PIWIL2: variants seen among roughly 807,000 people sequenced by gnomAD.
PIWIL2 encodes the protein piwi-like protein 2.
In PIWIL2, 81 loss-of-function variants were observed where a neutral mutation model predicts 116.5. The observed-to-expected ratio is 0.70, with a 90% CI of 0.58 to 0.84. PIWIL2 has a LOEUF of 0.84. Ranked by LOEUF, PIWIL2 falls within the 40% of genes least tolerant of loss-of-function variation. The pLI is 0.00. For synonymous variants in PIWIL2, 489 were observed against 429.5 expected, an observed-to-expected ratio of 1.14 and a Z score of -1.71; for missense variants, 1,272 against 1,212.3, an observed-to-expected ratio of 1.05 and a Z score of -0.73.
chr8:22,330,999 A>AC (rs1831848993), intron 20 of PIWIL2, among the ~76,000 whole-genome samples: 1 of 151,928 alleles, frequency 6.6e-6, no homozygotes. Context: ...ACATGGTGAA[A>AC]CCCCGTCTCT....
At chr8:22,321,922 C>T (rs1220213860) in intron 20 of PIWIL2, 1 of 985,180 alleles carries the variant, frequency 1.0e-6, no homozygotes, top group Non-Finnish European at 1.2e-6. Context: ...CATTTTGCAT[C>T]ACGGCTCGCT....
chr8:22,346,084 C>T (rs1191003494), intron 20 of PIWIL2, among the ~76,000 whole-genome samples: 2 of 152,068 alleles, frequency 1.3e-5, no homozygotes, highest in Non-Finnish European at 2.9e-5. Flanking sequence ...TTTGGCCAGG[C>T]GTGCTGGCTC....
At chr8:22,316,666 G>A (rs1831467184) in intron 19 of PIWIL2, among the ~76,000 whole-genome samples, 1 of 151,962 alleles carries the variant, frequency 6.6e-6, no homozygotes. Flanking sequence ...ATTTTTAGTA[G>A]AGACAGCGTT....
chr8:22,322,038 T>C, intron 20 of PIWIL2: 1 of 949,368 alleles, frequency 1.1e-6, no homozygotes, highest in Non-Finnish European at 1.3e-6. Flanking sequence ...TTTTTGTAAA[T>C]AAACTTTTTA....
At chr8:22,309,172 G>A (rs1831264017) in intron 14 of PIWIL2, among the ~76,000 whole-genome samples, 1 of 151,924 alleles carries the variant, frequency 6.6e-6, no homozygotes, top group South Asian at 2.1e-4. Context: ...ATCTTGGCCA[G>A]GCTGGTCTTG....
intron 10 of PIWIL2, among the ~76,000 whole-genome samples, chr8:22,296,557 G>A (rs1013270805): frequency 2.6e-5 from 4 of 152,150 alleles, no homozygotes; most frequent in Non-Finnish European, 5.9e-5. Flanking sequence ...ATAACTCTAG[G>A]TTATAAATCT....
chr8:22,349,459 C>G (rs915344472), intron 20 of PIWIL2, among the ~76,000 whole-genome samples: 1 of 142,288 alleles, frequency 7.0e-6, no homozygotes, highest in Admixed American at 7.1e-5. Context: ...TTTACTTTAT[C>G]CCTTTTAACA....
chr8:22,317,669 A>AT lies in PIWIL2; in HGVS notation c.2298-493dup, dbSNP rs576339210. On this transcript the variant is annotated intron_variant, in intron 19 of 22. Transcript: ENST00000356766. The stretch of plus-strand genomic sequence containing the variant: ...AAATTTTTTATTTATTTATTTATTT[A>AT]TTTTTTTTGAGACAGAGTCTCGCTC... Among the ~76,000 whole-genome samples the AT allele has an allele frequency of 1.8e-4, 27 of 149,808 alleles. No individual in the cohort carries two copies. The East Asian group carries it at 2.7e-3, about 15-fold the overall frequency.
chr8:22,314,458 G>C, intron 17 of PIWIL2, 29 bp downstream of exon 17: 1 of 1,227,508 alleles, frequency 8.1e-7, no homozygotes, highest in South Asian at 1.5e-5. Context: ...AGGAGGCGCA[G>C]ATGGCACCTC....
chr8:22,288,432 TG>T (rs1339749751), intron 7 of PIWIL2, 109 bp from the exon 8 acceptor site: 2 of 723,854 alleles, frequency 2.8e-6, no homozygotes, highest in Non-Finnish European at 4.2e-6. Context: ...AGTAGAAAAA[TG>T]TTTTAAGATA....
chr8:22,326,507 CA>C, intron 20 of PIWIL2, among the ~76,000 whole-genome samples: 2 of 152,314 alleles, frequency 1.3e-5, no homozygotes, highest in Non-Finnish European at 2.9e-5. Flanking sequence ...TCCTTATTCA[CA>C]CCTTCTCCTA....
chr8:22,291,937 A>G (rs917952497), intron 10 of PIWIL2, among the ~76,000 whole-genome samples: 2 of 152,164 alleles, frequency 1.3e-5, no homozygotes, highest in Non-Finnish European at 2.9e-5. Context: ...GGTCAGGGCA[A>G]TCAGAAGTAG....
At chr8:22,303,743 C>T (rs545493028) in intron 10 of PIWIL2, among the ~76,000 whole-genome samples, 11 of 151,956 alleles carry the variant, frequency 7.2e-5, no homozygotes, top group African/African-American at 2.7e-4. Flanking sequence ...AAGCTTTTTC[C>T]TTTTTTTTCC....
chr8:22,304,254 T>A, intron 11 of PIWIL2, 45 bp downstream of exon 11: 1 of 1,301,156 alleles, frequency 7.7e-7, no homozygotes, highest in Non-Finnish European at 1.1e-6. Context: ...GGGGGTTGGA[T>A]GTAGTCCACG....
intron 20 of PIWIL2, among the ~76,000 whole-genome samples, chr8:22,337,949 C>T (rs1259312320): frequency 6.6e-6 from 1 of 151,852 alleles, no homozygotes; most frequent in East Asian, 1.9e-4. Context: ...CAAGTATTAG[C>T]AGGGTGTGGT....
intron 1 of PIWIL2, among the ~76,000 whole-genome samples, chr8:22,276,369 G>A (rs951822050): frequency 5.3e-5 from 8 of 152,242 alleles, no homozygotes; most frequent in African/African-American, 1.9e-4. Context: ...AGGCTGGAGT[G>A]CAGTGGCGTG....
chr8:22,286,182 G>T (rs1254628677), intron 6 of PIWIL2, among the ~76,000 whole-genome samples: 1 of 152,080 alleles, frequency 6.6e-6, no homozygotes, highest in Non-Finnish European at 1.5e-5. Context: ...GAATTTGCTT[G>T]TTGAGGGTGT....
rs763347749 is a variant in PIWIL2, at chr8:22,281,435, A to C, written c.345A>C (p.Glu115Asp). 4.4e-6 allele frequency: 7 copies of C among 1,604,452 alleles called. No homozygotes were observed. In the African/African-American group the frequency reaches 5.4e-5, roughly 12 times the overall value. The change falls in exon 4 of 23, where the codon GAA becomes GAC. Residue 115 changes from glutamate (E) to aspartate (D), a missense_variant. Coordinates refer to ENST00000356766, the MANE Select transcript of PIWIL2 (RefSeq NM_018068.5). ...ATCTGGTACGCAAGGACAGGGAGGAACTCTCTCCCACTTTTTGGGATCCAA... is the reference window on the plus strand; with the variant it reads ...ATCTGGTACGCAAGGACAGGGAGGACCTCTCTCCCACTTTTTGGGATCCAA... ...SANLVRKDRE[E>D]LSPTFWDPKV...
intron 11 of PIWIL2, 49 bp from the exon 12 acceptor site, chr8:22,304,735 A>G (rs1258654511): frequency 3.0e-6 from 3 of 1,014,354 alleles, no homozygotes; most frequent in Non-Finnish European, 4.7e-6. Context: ...GTGCTCTAAG[A>G]GTATTGATGC....
Sources: gnomAD v4.1 joint callset for allele counts (sites outside exome capture counted in the v4.1 genomes callset) on GRCh38, gnomAD v4.1.1 for gene constraint, MANE v1.5 for transcripts, NCBI Gene and HGNC (gene_info 2026-07-23, HGNC 2026-07-21) for gene names.